Variants in DPP6 observed in about 807,000 individuals in gnomAD.
DPP6 encodes the protein A-type potassium channel modulatory protein DPP6.
In DPP6, 69 loss-of-function variants were observed where a neutral mutation model predicts 122.6. The ratio of observed to expected loss-of-function variants is 0.56; its 90% CI spans 0.46 to 0.69. The LOEUF (loss-of-function observed/expected upper bound fraction) is 0.69. Ranked by LOEUF, DPP6 falls within the 30% of genes least tolerant of loss-of-function variation. The pLI is 0.00. For synonymous variants in DPP6, 418 were observed against 433.1 expected (o/e 0.97, Z 0.43); for missense variants, 928 against 1,116.9 (o/e 0.83, Z 2.41).
chr7:154,477,568 A>G (rs1225365125), intron 3 of DPP6, among the ~76,000 whole-genome samples: 3 of 152,142 alleles, frequency 2.0e-5, no homozygotes, highest in Non-Finnish European at 4.4e-5. Flanking sequence ...TGGAGACACA[A>G]GAGCACAGAT....
Position 154,028,589 on chromosome 7 carries a change from C to T in DPP6, c.51+140855C>T, listed in dbSNP as rs540511062. Among the ~76,000 whole-genome samples the T allele has an allele frequency of 1.6e-3, 237 of 151,884 alleles. 3 individuals carry two copies. Among genetic ancestry groups the T allele is most frequent in the Middle Eastern group, 6.8e-3 (2 of 294 alleles). The stretch of plus-strand genomic sequence containing the variant: ...ACACGCAGGGACTTGCCCACATCTT[C>T]TCATCTTGATAGAAAGGATCCCTGT... On this transcript the variant is annotated intron_variant, in intron 1 of 25. Coordinates refer to the DPP6 transcript ENST00000404039.
intron 1 of DPP6, among the ~76,000 whole-genome samples, chr7:153,923,164 G>A (rs918461892): frequency 4.6e-5 from 7 of 152,202 alleles, no homozygotes; most frequent in African/African-American, 1.7e-4. Flanking sequence ...AGAAGGATTT[G>A]AGATTAAGCA....
intron 5 of DPP6, among the ~76,000 whole-genome samples, chr7:154,578,120 A>G (rs1307133413): frequency 1.3e-5 from 2 of 152,232 alleles, no homozygotes; most frequent in Non-Finnish European, 2.9e-5. Flanking sequence ...GGTTAAAATT[A>G]GAAAACCATT....
the DPP6 span, among the ~76,000 whole-genome samples, chr7:153,845,331 G>A: frequency 6.6e-6 from 1 of 151,890 alleles, no homozygotes. Flanking sequence ...ATATATTGAA[G>A]CCCTCGTTTC....
chr7:154,766,185 C>G (rs145476053), intron 8 of DPP6, among the ~76,000 whole-genome samples: 1 of 152,298 alleles, frequency 6.6e-6, no homozygotes, highest in African/African-American at 2.4e-5. Context: ...TTTGGCGTGG[C>G]ACAGGTTCTT....
At chr7:153,840,726 A>G in the DPP6 span, among the ~76,000 whole-genome samples, 1 of 152,198 alleles carries the variant, frequency 6.6e-6, no homozygotes, top group Non-Finnish European at 1.5e-5. Context: ...AAGAACTTGA[A>G]TATCTACACC....
At chr7:153,791,763 A>G in the DPP6 span, among the ~76,000 whole-genome samples, 2 of 152,212 alleles carry the variant, frequency 1.3e-5, no homozygotes, top group African/African-American at 4.8e-5. Flanking sequence ...TGGTTCTTAT[A>G]AGAGCAGACA....
At chr7:154,810,923 T>C (rs1799020411) in intron 16 of DPP6, among the ~76,000 whole-genome samples, 1 of 152,220 alleles carries the variant, frequency 6.6e-6, no homozygotes, top group Admixed American at 6.5e-5. Context: ...GGAATAGATC[T>C]CAGAGCATCT....
rs562605442 is a variant in DPP6 at position 153,957,031 on chromosome 7, A to G, written c.51+69297A>G. ...AGTTATAAGAAAGAAGACTTCGGAA[A>G]AGTGTGTTTGTAAATTCTTTATATT... is the stretch of plus-strand genomic sequence containing the variant. On this transcript the variant is annotated intron_variant, in intron 1 of 25. Coordinates refer to the DPP6 transcript ENST00000404039. 4.5e-4 allele frequency among the ~76,000 whole-genome samples: 66 copies of G among 147,456 alleles called. 1 individual carries two copies. The highest frequency in any genetic ancestry group is 8.0e-4 in the Non-Finnish European group (54 of 67,474).
chr7:153,938,776 C>T (rs1253568042), intron 1 of DPP6, among the ~76,000 whole-genome samples: 1 of 152,186 alleles, frequency 6.6e-6, no homozygotes, highest in Non-Finnish European at 1.5e-5. Flanking sequence ...GAAAAATTCA[C>T]ATCCATAAAA....
intron 1 of DPP6, among the ~76,000 whole-genome samples, chr7:154,018,285 T>A (rs1798528161): frequency 6.6e-6 from 1 of 151,964 alleles, no homozygotes; most frequent in Non-Finnish European, 1.5e-5. Context: ...GCCTGGCACA[T>A]TCTAATTGCT....
At chr7:153,861,612 A>G in the DPP6 span, among the ~76,000 whole-genome samples, 2 of 152,188 alleles carry the variant, frequency 1.3e-5, no homozygotes, top group South Asian at 4.1e-4. Context: ...ATCATATTCA[A>G]TGGTACAATT....
upstream of DPP6, among the ~76,000 whole-genome samples, chr7:154,049,881 G>A (rs62485596): frequency 0.3 from 43,575 of 147,632 alleles, 3,848 homozygotes; most frequent in Middle Eastern, 0.35. Flanking sequence ...CACCGCGCCC[G>A]GCCAGAACAT....
chr7:154,688,679 A>G (rs6597407), intron 7 of DPP6, among the ~76,000 whole-genome samples: 151,456 of 152,278 alleles, frequency 0.99, 75,319 homozygotes, highest in East Asian at 1. Context: ...GAAAGATGTA[A>G]GCTTGGAGGT....
At chr7:154,390,264 T>A (rs1223120218) in intron 1 of DPP6, among the ~76,000 whole-genome samples, 1 of 152,158 alleles carries the variant, frequency 6.6e-6, no homozygotes, top group African/African-American at 2.4e-5. Context: ...AGTATTCCAC[T>A]GGGGATCAGG....
chr7:154,315,186 T>C (rs572182797), intron 1 of DPP6, among the ~76,000 whole-genome samples: 20 of 152,300 alleles, frequency 1.3e-4, no homozygotes, highest in African/African-American at 4.8e-4. Context: ...AGTAGTTAAT[T>C]TTCAATCTCA....
chr7:154,351,227 G>A (rs941732725), intron 1 of DPP6, among the ~76,000 whole-genome samples: 3 of 152,092 alleles, frequency 2.0e-5, no homozygotes, highest in African/African-American at 7.2e-5. Flanking sequence ...ATTTTATGAG[G>A]ACGGTTTCCC....
chr7:154,222,553 G>T (rs1425664115), intron 1 of DPP6, among the ~76,000 whole-genome samples: 1 of 148,854 alleles, frequency 6.7e-6, no homozygotes, highest in Non-Finnish European at 1.5e-5. Flanking sequence ...TACTCAGGAG[G>T]CTGAGGCAGG....
intron 1 of DPP6, among the ~76,000 whole-genome samples, chr7:154,184,432 G>T (rs1798251435): frequency 1.3e-5 from 2 of 151,882 alleles, no homozygotes; most frequent in African/African-American, 4.8e-5. Context: ...GTCTGTGGTT[G>T]TTGGTAAGCA....
Sources: gnomAD v4.1 joint callset for allele counts (sites outside exome capture counted in the v4.1 genomes callset) on GRCh38, gnomAD v4.1.1 for gene constraint, MANE v1.5 for transcripts, NCBI Gene and HGNC (gene_info 2026-07-23, HGNC 2026-07-21) for gene names.